CBLB: variants seen among roughly 807,000 people sequenced by gnomAD.
CBLB encodes the protein Cbl proto-oncogene B, also known as E3 ubiquitin-protein ligase CBL-B.
In CBLB, 31 loss-of-function variants were observed where a neutral mutation model predicts 104.9. That is an observed-to-expected ratio of 0.30 (90% CI 0.22 to 0.40). The LOEUF is 0.40. Ranked by LOEUF, CBLB falls within the 10% of genes least tolerant of loss-of-function variation. The pLI is 1.00. For synonymous variants in CBLB, 440 were observed against 422.6 expected (o/e 1.04, Z -0.51); for missense variants, 1,062 against 1,214.6 (o/e 0.87, Z 1.87).
intron 4 of CBLB, among the ~76,000 whole-genome samples, chr3:105,771,707 T>C (rs527268596): frequency 6.6e-6 from 1 of 152,200 alleles, no homozygotes; most frequent in South Asian, 2.1e-4. Flanking sequence ...AAAATCAATG[T>C]ACACAAATCA....
chr3:105,665,563 T>C (rs965979312), intron 18 of CBLB, among the ~76,000 whole-genome samples: 3 of 147,174 alleles, frequency 2.0e-5, no homozygotes, highest in African/African-American at 7.4e-5. Context: ...TATTTATATC[T>C]ATACCATATT....
chr3:105,866,997 A>C (rs978165627), intron 2 of CBLB, among the ~76,000 whole-genome samples: 1 of 152,220 alleles, frequency 6.6e-6, no homozygotes, highest in African/African-American at 2.4e-5. Context: ...TTCCCCAGTA[A>C]ATATTTTCAG....
At chr3:105,679,079 A>G (rs945993597) in intron 16 of CBLB, among the ~76,000 whole-genome samples, 2 of 152,064 alleles carry the variant, frequency 1.3e-5, no homozygotes, top group African/African-American at 4.8e-5. Context: ...ATTTAACCTA[A>G]TGTTTCATAT....
intron 4 of CBLB, among the ~76,000 whole-genome samples, chr3:105,767,018 T>C (rs2078299167): frequency 2.0e-5 from 3 of 152,194 alleles, no homozygotes; most frequent in South Asian, 2.1e-4. Flanking sequence ...TACAATGAAT[T>C]GAACAAAATA....
chr3:105,703,586 G>A (rs897623546), intron 11 of CBLB, among the ~76,000 whole-genome samples: 53 of 144,862 alleles, frequency 3.7e-4, no homozygotes, highest in Non-Finnish European at 5.6e-4. Flanking sequence ...GTGATAATTT[G>A]TCATACCTTA....
intron 3 of CBLB, among the ~76,000 whole-genome samples, chr3:105,802,036 C>T (rs1248707787): frequency 6.6e-6 from 1 of 152,158 alleles, no homozygotes. Flanking sequence ...AATTAGCCAA[C>T]AATAACTCAC....
intron 3 of CBLB, among the ~76,000 whole-genome samples, chr3:105,821,261 T>C (rs2085810094): frequency 2.1e-4 from 1 of 4,698 alleles, no homozygotes; most frequent in African/African-American, 2.9e-4. Context: ...TCTATATCTA[T>C]ATCTATCTAT....
chr3:105,762,908 A>C lies in CBLB; in HGVS notation c.567-11290T>G, dbSNP rs548622096. Among the ~76,000 whole-genome samples the C allele has an allele frequency of 1.0e-3, 158 of 152,344 alleles. 3 individuals carry two copies. Among genetic ancestry groups the C allele is most frequent in the African/African-American group, 3.4e-3 (143 of 41,592 alleles). On this transcript the variant is annotated intron_variant, in intron 4 of 18. Coordinates refer to ENST00000394030, the MANE Select transcript of CBLB (RefSeq NM_170662.5). ...AAAGCCAGACACTCAACATCAGCCC[A>C]TGAAAGCAACCAAGAGGGAAACTGT...
chr3:105,692,683 G>A (rs1559842294), intron 13 of CBLB, among the ~76,000 whole-genome samples: 1 of 151,884 alleles, frequency 6.6e-6, no homozygotes, highest in Non-Finnish European at 1.5e-5. Flanking sequence ...AATGGAAAAA[G>A]GGAAACAATG....
chr3:105,703,098 A>AT (rs2069493795), intron 11 of CBLB, among the ~76,000 whole-genome samples: 1 of 151,906 alleles, frequency 6.6e-6, no homozygotes, highest in African/African-American at 2.4e-5. Flanking sequence ...ACATAGAAAT[A>AT]TAAAGGTATA....
intron 3 of CBLB, among the ~76,000 whole-genome samples, chr3:105,841,575 C>T (rs1320705389): frequency 6.6e-6 from 1 of 151,804 alleles, no homozygotes; most frequent in Admixed American, 6.6e-5. Context: ...GCCTCAGCCT[C>T]CCGAGTAGCT....
chr3:105,792,680 C>T (rs115022773), intron 3 of CBLB, among the ~76,000 whole-genome samples: 1,883 of 152,302 alleles, frequency 0.012, 19 homozygotes, highest in Non-Finnish European at 0.02. Context: ...GAGGGCGGCT[C>T]TTTCCTTGCT....
intron 4 of CBLB, among the ~76,000 whole-genome samples, chr3:105,772,240 C>G (rs781649881): frequency 6.6e-5 from 10 of 151,922 alleles, no homozygotes; most frequent in Admixed American, 6.6e-4. Context: ...AACTGATCTT[C>G]AACAAAGCAT....
At chr3:105,865,073 T>A (rs1192016910) in intron 2 of CBLB, among the ~76,000 whole-genome samples, 3 of 152,308 alleles carry the variant, frequency 2.0e-5, no homozygotes, top group South Asian at 2.1e-4. Flanking sequence ...GTTATTTTTT[T>A]AAAAAGGTAA....
chr3:105,765,435 G>T (rs577977861), intron 4 of CBLB, among the ~76,000 whole-genome samples: 170 of 152,244 alleles, frequency 1.1e-3, no homozygotes, highest in Non-Finnish European at 2.0e-3. Flanking sequence ...TAGGAAGTGG[G>T]TCCTTACCAG....
At chr3:105,773,098 G>GC (rs761643585) in intron 4 of CBLB, among the ~76,000 whole-genome samples, 15 of 152,164 alleles carry the variant, frequency 9.9e-5, no homozygotes, top group Non-Finnish European at 7.3e-5. Context: ...CTTGTTTATA[G>GC]CAGCATAATT....
intron 5 of CBLB, among the ~76,000 whole-genome samples, chr3:105,748,914 A>T (rs1230808895): frequency 6.6e-6 from 1 of 152,024 alleles, no homozygotes; most frequent in Non-Finnish European, 1.5e-5. Context: ...TCTGCTAAAT[A>T]CCCCACTCCC....
chr3:105,696,384 T>C (rs1192730729), intron 12 of CBLB, among the ~76,000 whole-genome samples: 1 of 151,856 alleles, frequency 6.6e-6, no homozygotes, highest in Non-Finnish European at 1.5e-5. Context: ...CAACCATTTC[T>C]TTACACCCAA....
intron 3 of CBLB, among the ~76,000 whole-genome samples, chr3:105,849,214 C>T (rs1196696691): frequency 6.6e-6 from 1 of 152,072 alleles, no homozygotes; most frequent in Non-Finnish European, 1.5e-5. Flanking sequence ...AGTTTATGTG[C>T]CTGTTATGGT....
Sources: allele counts gnomAD v4.1 joint callset (sites outside exome capture counted in the v4.1 genomes callset), GRCh38; gene constraint gnomAD v4.1.1; transcripts MANE v1.5; gene names NCBI Gene and HGNC (gene_info 2026-07-23, HGNC 2026-07-21).